Variants in LAMA2 observed in about 807,000 individuals in gnomAD.
The protein encoded by LAMA2 is laminin subunit alpha-2.
A neutral mutation model predicts 364.8 loss-of-function variants in LAMA2; 269 were observed. That is an observed-to-expected ratio of 0.74 (90% CI 0.67 to 0.82). The LOEUF (loss-of-function observed/expected upper bound fraction) is 0.82, where lower values mean the gene tolerates loss of function less well. LAMA2 is among the 40% of genes least tolerant of loss of function. The pLI is 0.00. For missense variants in LAMA2, 3,807 were observed against 3,873.2 expected, an observed-to-expected ratio of 0.98 and a Z score of 0.45; for synonymous variants, 1,379 against 1,370.6, an observed-to-expected ratio of 1.01 and a Z score of -0.14.
chr6:129,473,414 TA>T, intron 52 of LAMA2, 62 bp downstream of exon 52: 1 of 1,494,194 alleles, frequency 6.7e-7, no homozygotes, highest in African/African-American at 1.4e-5. Context: ...CTATGCTCAC[TA>T]GAGTTCTGAA....
intron 17 of LAMA2, among the ~76,000 whole-genome samples, chr6:129,273,491 G>A (rs747796948): frequency 3.6e-4 from 55 of 152,096 alleles, no homozygotes; most frequent in Non-Finnish European, 2.8e-4. Context: ...GATTGAGTAT[G>A]CAAACCCTAT....
chr6:128,924,144 T>C (rs1778932175), intron 1 of LAMA2, among the ~76,000 whole-genome samples: 2 of 152,312 alleles, frequency 1.3e-5, no homozygotes, highest in South Asian at 4.1e-4. Flanking sequence ...TCAAAGATTC[T>C]AGCTGCTCCC....
At chr6:128,891,877 C>A (rs1177786588) in intron 1 of LAMA2, among the ~76,000 whole-genome samples, 1 of 151,938 alleles carries the variant, frequency 6.6e-6, no homozygotes, top group Non-Finnish European at 1.5e-5. Context: ...ATACAGTACT[C>A]TTCTTTGGAG....
chr6:129,490,698 G>C (rs1784815961), intron 56 of LAMA2: 1 of 152,056 alleles, frequency 6.6e-6, no homozygotes, highest in African/African-American at 2.4e-5. Flanking sequence ...TGAAATTCTC[G>C]TCTCAGGAAA....
Position 129,366,291 on chromosome 6 carries a change from A to T in LAMA2, c.4790A>T (p.Asn1597Ile), listed in dbSNP as rs566008145. The T allele has an allele frequency of 1.2e-6, 2 of 1,613,712 alleles. No individual in the cohort carries two copies. The highest frequency in any genetic ancestry group is 3.3e-5 in the Admixed American group (2 of 59,972). The stretch of plus-strand genomic sequence containing the variant: ...CTGGAGCAGATGGTCATGAGCATCA[A>T]CCTCACTGGTCCGCTGCCTGCGCCA... ...ARLEQMVMSI[N>I]LTGPLPAPYK... Residue 1597 changes from asparagine (N) to isoleucine (I), a missense_variant, in exon 33 of 65, where the codon AAC (asparagine) becomes ATC (isoleucine). This residue lies in a region of LAMA2 where 3,333 missense variants were observed against 3,345.7 expected (regional missense o/e 1.00). Transcript: ENST00000421865.
At chr6:129,222,471 T>G (rs577645660) in intron 12 of LAMA2, among the ~76,000 whole-genome samples, 1 of 151,240 alleles carries the variant, frequency 6.6e-6, no homozygotes, top group East Asian at 2.0e-4. Flanking sequence ...TAGGTATATC[T>G]CCTAATGCTA....
chr6:129,390,522 C>T lies in LAMA2; in HGVS notation c.5072-969C>T, dbSNP rs1779260694. On this transcript the variant is annotated intron_variant, in intron 35 of 64. Transcript: ENST00000421865. The stretch of plus-strand genomic sequence containing the variant: ...CACCCTTGAATGGTAGAAAATGCCT[C>T]TTGGCCAACCGAGACCCCTCATTCT... Among the ~76,000 whole-genome samples the T allele has an allele frequency of 2.6e-5, 4 of 152,072 alleles. No individual in the cohort carries two copies. The South Asian group carries it at 8.3e-4, about 32-fold the overall frequency.
chr6:128,926,081 T>G (rs1779075306), intron 1 of LAMA2, among the ~76,000 whole-genome samples: 1 of 152,214 alleles, frequency 6.6e-6, no homozygotes. Flanking sequence ...TACATATTAC[T>G]TCTAACATTT....
intron 62 of LAMA2, among the ~76,000 whole-genome samples, chr6:129,510,820 G>A (rs1341853119): frequency 6.6e-6 from 1 of 151,974 alleles, no homozygotes; most frequent in East Asian, 1.9e-4. Context: ...CCAAAATATA[G>A]GTAGGAAACC....
At chr6:129,237,478 G>C (rs1785070977) in intron 12 of LAMA2, among the ~76,000 whole-genome samples, 1 of 152,020 alleles carries the variant, frequency 6.6e-6, no homozygotes, top group South Asian at 2.1e-4. Context: ...TGGGATTACA[G>C]GTGCTTGCCA....
In LAMA2 at chr6:129,505,283, C is replaced by T; in HGVS notation, c.8631C>T (p.Asp2877=). Residue 2877 remains aspartate (D), a synonymous_variant, in exon 61 of 65, where the codon GAC becomes GAT. Transcript: ENST00000421865. ...SNRTISPKKA[D]ILDVVGMLYV... ...GAACCATCAGTCCCAAAAAAGCCGA[C>T]ATCCTGGATGTCGTGGGAATGCTGT... 1 of 1,613,878 alleles carries T rather than the reference C, an allele frequency of 6.2e-7. No individual in the cohort carries two copies. Among genetic ancestry groups the T allele is most frequent in the Non-Finnish European group, 8.5e-7 (1 of 1,179,766 alleles).
At chr6:129,112,557 T>C (rs79607687) in intron 4 of LAMA2, among the ~76,000 whole-genome samples, 9 of 152,080 alleles carry the variant, frequency 5.9e-5, no homozygotes, top group African/African-American at 2.2e-4. Flanking sequence ...GACCTCAACA[T>C]TTAGCTATTT....
chr6:129,037,981 T>G (rs1032316284), intron 1 of LAMA2, among the ~76,000 whole-genome samples: 4 of 152,124 alleles, frequency 2.6e-5, no homozygotes, highest in Admixed American at 2.6e-4. Flanking sequence ...ATTTAAAAAA[T>G]TTTTGCTAGA....
chr6:129,328,389 G>A lies in LAMA2; in HGVS notation c.4288G>A (p.Asp1430Asn). The change falls in exon 29 of 65, where the codon GAC becomes AAC. Residue 1430 changes from aspartate to asparagine, a missense_variant. Transcript: ENST00000421865. ...ATGTAATGGACACAGCAGCCTGTGT[G>A]ACCCTGAAACATCGATATGCCAGGT... ...CQCNGHSSLC[D>N]PETSICQNCQ... The A allele has an allele frequency of 6.2e-7, 1 of 1,614,130 alleles. No individual in the cohort carries two copies. The highest frequency in any genetic ancestry group is 1.1e-5 in the South Asian group (1 of 91,074).
chr6:129,450,594 T>G (rs187250662), intron 45 of LAMA2, among the ~76,000 whole-genome samples: 257 of 152,320 alleles, frequency 1.7e-3, no homozygotes, highest in Non-Finnish European at 3.2e-3. Flanking sequence ...GTGCTGGGAT[T>G]ACAGATGTGA....
At chr6:129,434,479 T>C (rs939585031) in intron 41 of LAMA2, among the ~76,000 whole-genome samples, 4 of 152,154 alleles carry the variant, frequency 2.6e-5, no homozygotes, top group African/African-American at 9.6e-5. Context: ...TGACTAGGCT[T>C]CTGTTATTGG....
chr6:129,209,224 TG>T (rs1782922470), intron 12 of LAMA2, among the ~76,000 whole-genome samples: 1 of 152,224 alleles, frequency 6.6e-6, no homozygotes, highest in African/African-American at 2.4e-5. Context: ...TTGCTTTTTT[TG>T]TTCAAGACAA....
intron 44 of LAMA2, among the ~76,000 whole-genome samples, chr6:129,444,395 G>A (rs1385853987): frequency 6.6e-6 from 1 of 152,082 alleles, no homozygotes; most frequent in East Asian, 1.9e-4. Context: ...ATTAAAGGAA[G>A]GGAAAAATGA....
At chr6:128,955,324 CA>C (rs34119452) in intron 1 of LAMA2, among the ~76,000 whole-genome samples, 2,235 of 151,970 alleles carry the variant, frequency 0.015, 28 homozygotes, top group Non-Finnish European at 0.021. Context: ...ATTTTATAGA[CA>C]AAGACACAGA....
Sources: gnomAD v4.1 joint callset for allele counts (sites outside exome capture counted in the v4.1 genomes callset) on GRCh38, gnomAD v4.1.1 for gene constraint, gnomAD v4.1.1 regional missense constraint, MANE v1.5 for transcripts, NCBI Gene and HGNC (gene_info 2026-07-23, HGNC 2026-07-21) for gene names.